The following GALNT1 variants were observed in gnomAD, a reference collection of about 807,000 sequenced individuals.
GALNT1 encodes GalNAc transferase 1.
GALNT1 carries 17 observed loss-of-function variants against 65.7 expected under a neutral mutation model. The ratio of observed to expected loss-of-function variants is 0.26; its 90% CI spans 0.18 to 0.39. The LOEUF is 0.39. GALNT1 is among the 10% of genes least tolerant of loss of function. The probability of loss-of-function intolerance (pLI) is 1.00; values close to 1 mark genes in which losing one functional copy is unlikely to be tolerated. For synonymous variants in GALNT1, 210 were observed against 219.7 expected (o/e 0.96, Z 0.39); for missense variants, 460 against 672.8 (o/e 0.68, Z 3.50).
chr18:35,697,161 G>A (rs1442710609), intron 9 of GALNT1, among the ~76,000 whole-genome samples: 1 of 152,180 alleles, frequency 6.6e-6, no homozygotes, highest in Non-Finnish European at 1.5e-5. Context: ...GTTACTGTGT[G>A]CCTGCTATGT....
chr18:35,709,282 CAA>C (rs1018810781), intron 11 of GALNT1, among the ~76,000 whole-genome samples: 1 of 151,876 alleles, frequency 6.6e-6, no homozygotes, highest in African/African-American at 2.4e-5. Context: ...AACTGAAGCA[CAA>C]AAAAGAGAAG....
chr18:35,702,693 C>T (rs1293944047), intron 9 of GALNT1: 3 of 359,738 alleles, frequency 8.3e-6, no homozygotes, highest in Admixed American at 4.6e-5. Context: ...GATTTTCCCC[C>T]ATAAACACAG....
At chr18:35,682,484 G>A (rs2047800583) in intron 4 of GALNT1, among the ~76,000 whole-genome samples, 1 of 152,156 alleles carries the variant, frequency 6.6e-6, no homozygotes, top group East Asian at 1.9e-4. Context: ...TTATTGTATG[G>A]TGACTAGTTG....
At chr18:35,650,823 A>G (rs750556540) in intron 1 of GALNT1, among the ~76,000 whole-genome samples, 2 of 152,120 alleles carry the variant, frequency 1.3e-5, no homozygotes, top group Non-Finnish European at 2.9e-5. Flanking sequence ...TGTTTAAACA[A>G]TTTGTGCAGT....
chr18:35,646,530 A>T (rs899847896), intron 1 of GALNT1, among the ~76,000 whole-genome samples: 5 of 152,196 alleles, frequency 3.3e-5, no homozygotes, highest in Non-Finnish European at 7.4e-5. Flanking sequence ...GTTTCTTACT[A>T]TGTGGACCTC....
At chr18:35,688,784 C>G (rs957819134) in intron 6 of GALNT1, among the ~76,000 whole-genome samples, 3 of 152,244 alleles carry the variant, frequency 2.0e-5, no homozygotes, top group African/African-American at 7.2e-5. Context: ...CTTGAAGTTG[C>G]TAGGATCTGT....
In GALNT1 at chr18:35,599,366, C is replaced by CCTT. The variant is rs61028491; in HGVS notation, c.-104+17504_-104+17505insCTT. Among the ~76,000 whole-genome samples, 653 of 122,732 alleles carry CCTT rather than the reference C, an allele frequency of 5.3e-3. 15 individuals are homozygous for CCTT. The highest frequency in any genetic ancestry group is 0.019 in the African/African-American group (611 of 31,720). 80.5% of individuals were successfully genotyped at this position (122,732 alleles called of 152,430 possible). A position where few individuals can be genotyped will look rare whatever the true frequency, so the allele number is the denominator to read the frequency against. On this transcript the variant is annotated intron_variant, in intron 1 of 11. Transcript: ENST00000269195. ...AATAGTTTCAGGTATGAGATTTACA[C>CCTT]TTTTTTTTTTTTTTTTTTTTAAGAC...
chr18:35,643,753 G>C lies in GALNT1; in HGVS notation c.-103-10807G>C, dbSNP rs985128908. Among the ~76,000 whole-genome samples, 34 of 150,622 alleles carry C rather than the reference G, an allele frequency of 2.3e-4. No individual in the cohort carries two copies. The East Asian group carries it at 6.7e-3, about 30-fold the overall frequency. Reference sequence around the variant, plus strand: ...GTGGAGCTTGCAGTGAGCCGAGATCGTGCCACTACACTCCAGCCTGGGCAA... The same window carrying C: ...GTGGAGCTTGCAGTGAGCCGAGATCCTGCCACTACACTCCAGCCTGGGCAA... On this transcript the variant is annotated intron_variant, in intron 1 of 11. Transcript: ENST00000269195.
intron 4 of GALNT1, among the ~76,000 whole-genome samples, chr18:35,681,480 A>C (rs1263684915): frequency 6.7e-6 from 1 of 150,198 alleles, no homozygotes; most frequent in Non-Finnish European, 1.5e-5. Flanking sequence ...CGACCACAGA[A>C]TCATGCATTT....
At chr18:35,703,058 TTTA>T in intron 10 of GALNT1, 63 bp downstream of exon 10, 1 of 941,810 alleles carries the variant, frequency 1.1e-6, no homozygotes, top group Non-Finnish European at 1.6e-6. Flanking sequence ...TTGCCTTTTT[TTTA>T]TACCATGACA....
At chr18:35,613,418 A>T (rs530827818) in intron 1 of GALNT1, among the ~76,000 whole-genome samples, 267 of 152,326 alleles carry the variant, frequency 1.8e-3, no homozygotes, top group Admixed American at 4.4e-3. Context: ...TATTCAAAAT[A>T]TCTTTTAAAT....
chr18:35,697,182 G>A (rs2048072850), intron 9 of GALNT1, among the ~76,000 whole-genome samples: 1 of 152,162 alleles, frequency 6.6e-6, no homozygotes. Context: ...ATCTGTCCCT[G>A]CTAGAGCCTC....
intron 1 of GALNT1, chr18:35,627,373 G>C (rs530513523): frequency 1.1e-4 from 16 of 152,320 alleles, no homozygotes; most frequent in African/African-American, 3.4e-4. Context: ...GCTGACTAAG[G>C]GGGGAGAATA....
At chr18:35,617,636 ATCATG>A (rs1335675221) in intron 1 of GALNT1, among the ~76,000 whole-genome samples, 1 of 152,212 alleles carries the variant, frequency 6.6e-6, no homozygotes, top group Admixed American at 6.5e-5. Context: ...AATGGAAGAC[ATCATG>A]TCATTTTACC....
rs556297698 is a variant in GALNT1 at position 35,701,997 on chromosome 18, A to AC, written c.1300-893dup. ...CTGACATTAGCATAGAACTGACATT[A>AC]CCCCCCCAGTTCCTGATCTCAAAAG... On this transcript the variant is annotated intron_variant, in intron 9 of 11. Transcript: ENST00000269195. Among the ~76,000 whole-genome samples the AC allele has an allele frequency of 1.4e-4, 22 of 151,922 alleles. No homozygotes were observed. In the Middle Eastern group the frequency reaches 0.01, roughly 70 times the overall value.
chr18:35,586,418 A>C (rs1316482067), intron 1 of GALNT1, among the ~76,000 whole-genome samples: 1 of 152,118 alleles, frequency 6.6e-6, no homozygotes, highest in Non-Finnish European at 1.5e-5. Flanking sequence ...TTGCAGAGCA[A>C]AAGTTTTAAA....
chr18:35,592,218 A>G (rs571892703), intron 1 of GALNT1, among the ~76,000 whole-genome samples: 111 of 152,194 alleles, frequency 7.3e-4, no homozygotes, highest in Non-Finnish European at 1.3e-3. Context: ...ATATTTATTG[A>G]GTATCTGTTT....
At chr18:35,617,275 G>A (rs772346745) in intron 1 of GALNT1, among the ~76,000 whole-genome samples, 11 of 151,938 alleles carry the variant, frequency 7.2e-5, no homozygotes, top group Non-Finnish European at 1.3e-4. Context: ...CATATAGTAG[G>A]GCAGTTAACA....
intron 1 of GALNT1, among the ~76,000 whole-genome samples, chr18:35,610,188 GGCATGGGAAAGAGGT>G (rs2046700053): frequency 6.6e-6 from 1 of 152,150 alleles, no homozygotes; most frequent in Non-Finnish European, 1.5e-5. Flanking sequence ...TGAAGAGCAG[GGCATGGGAAAGAGGT>G]GCAGAGTGGA....
Sources: gnomAD v4.1 joint callset for allele counts (sites outside exome capture counted in the v4.1 genomes callset) on GRCh38, gnomAD v4.1.1 for gene constraint, MANE v1.5 for transcripts, NCBI Gene and HGNC (gene_info 2026-07-23, HGNC 2026-07-21) for gene names.